CDC42SE2: variants seen among roughly 807,000 people sequenced by gnomAD.
CDC42SE2 encodes CDC42 small effector 2.
Under a neutral mutation model 11.5 loss-of-function variants are expected in CDC42SE2, and 3 were observed. The observed-to-expected ratio is 0.26, with a 90% CI of 0.12 to 0.67. CDC42SE2 has a LOEUF of 0.67. CDC42SE2 is among the 30% of genes least tolerant of loss of function. CDC42SE2 has a pLI of 0.80. For synonymous variants in CDC42SE2, 33 were observed against 34.8 expected, an observed-to-expected ratio of 0.95 and a Z score of 0.18; for missense variants, 82 against 106.8, an observed-to-expected ratio of 0.77 and a Z score of 1.02.
At chr5:131,380,186 T>A (rs1368421997) in intron 3 of CDC42SE2, among the ~76,000 whole-genome samples, 1 of 152,180 alleles carries the variant, frequency 6.6e-6, no homozygotes, top group Non-Finnish European at 1.5e-5. Context: ...AGTGGTGATT[T>A]GTGGATTTTG....
upstream of CDC42SE2, chr5:131,245,447 G>T (rs867589630): frequency 1.3e-5 from 2 of 151,752 alleles, no homozygotes; most frequent in Non-Finnish European, 2.9e-5. Flanking sequence ...GTCATACCAA[G>T]AAGAAGAAAA....
At chr5:131,352,358 CA>C (rs1021246458) in intron 2 of CDC42SE2, among the ~76,000 whole-genome samples, 14 of 151,912 alleles carry the variant, frequency 9.2e-5, no homozygotes, top group Admixed American at 7.2e-4. Flanking sequence ...ATCTACTTAG[CA>C]ATAAAAAATA....
At chr5:131,330,122 GC>G (rs1307948535) in intron 2 of CDC42SE2, among the ~76,000 whole-genome samples, 1 of 152,064 alleles carries the variant, frequency 6.6e-6, no homozygotes, top group Non-Finnish European at 1.5e-5. Flanking sequence ...ATTCTAAGCA[GC>G]TTTATTTACA....
chr5:131,393,271 G>GAACA lies in CDC42SE2; in HGVS notation c.*2185_*2188dup, dbSNP rs1377561434. ...CAAGATTCTTGCAAAACAGGCAACTGAACAAACATTAGGTTTATGTAGGTA... is the reference window on the plus strand; with the variant it reads ...CAAGATTCTTGCAAAACAGGCAACTGAACAAACAAACATTAGGTTTATGTAGGTA... On this transcript the variant is annotated 3_prime_UTR_variant, in exon 5 of 5. Coordinates refer to ENST00000505065, the MANE Select transcript of CDC42SE2 (RefSeq NM_001375635.1). The GAACA allele has an allele frequency of 3.9e-5, 6 of 152,430 alleles. No individual in the cohort carries two copies. The East Asian group carries it at 5.6e-4, about 14-fold the overall frequency. The allele number at this position is 152,430 out of a possible 1,614,324, so 9.4% of individuals were successfully genotyped here.
intron 1 of CDC42SE2, among the ~76,000 whole-genome samples, chr5:131,268,984 C>G (rs990609338): frequency 6.6e-6 from 1 of 151,712 alleles, no homozygotes; most frequent in Non-Finnish European, 1.5e-5. Context: ...CGCTTGACCT[C>G]GTGATCCGCC....
At chr5:131,248,378 T>C (rs976878786) in intron 1 of CDC42SE2, among the ~76,000 whole-genome samples, 42 of 151,848 alleles carry the variant, frequency 2.8e-4, no homozygotes, top group African/African-American at 1.0e-3. Context: ...GACCTTGTGA[T>C]CCGCCCATCT....
At chr5:131,308,083 A>G (rs1419810307) in intron 1 of CDC42SE2, among the ~76,000 whole-genome samples, 1 of 152,012 alleles carries the variant, frequency 6.6e-6, no homozygotes, top group African/African-American at 2.4e-5. Flanking sequence ...TAGAGGTCAA[A>G]CGTTTAAGTC....
At chr5:131,299,004 T>C (rs1395010867) in intron 1 of CDC42SE2, among the ~76,000 whole-genome samples, 1 of 152,130 alleles carries the variant, frequency 6.6e-6, no homozygotes, top group African/African-American at 2.4e-5. Flanking sequence ...TATCAAGTTC[T>C]GAAGAGTATG....
At chr5:131,259,604 G>A (rs1381839089), upstream of CDC42SE2, among the ~76,000 whole-genome samples, 3 of 152,184 alleles carry the variant, frequency 2.0e-5, no homozygotes, top group Non-Finnish European at 4.4e-5. Flanking sequence ...AGAACTGGTG[G>A]TTTCTTCTCT....
chr5:131,327,844 C>G (rs1758328272), intron 2 of CDC42SE2, among the ~76,000 whole-genome samples: 1 of 152,138 alleles, frequency 6.6e-6, no homozygotes, highest in Non-Finnish European at 1.5e-5. Context: ...CATACAAACA[C>G]CATATTATCT....
intron 4 of CDC42SE2, among the ~76,000 whole-genome samples, chr5:131,388,370 C>T (rs1750551500): frequency 6.6e-6 from 1 of 152,118 alleles, no homozygotes; most frequent in Non-Finnish European, 1.5e-5. Flanking sequence ...TTATGTTCTC[C>T]TATGCAATGC....
intron 2 of CDC42SE2, among the ~76,000 whole-genome samples, chr5:131,342,720 A>AT (rs541417600): frequency 1.4e-3 from 199 of 139,890 alleles, no homozygotes; most frequent in Middle Eastern, 4.2e-3. Flanking sequence ...ATTCTTTTTT[A>AT]TTTTTTTTTT....
At chr5:131,256,573 G>A (rs1489500594) in intron 2 of CDC42SE2, among the ~76,000 whole-genome samples, 3 of 152,228 alleles carry the variant, frequency 2.0e-5, no homozygotes, top group Non-Finnish European at 4.4e-5. Flanking sequence ...TTGCAAGTCA[G>A]AGTTCTCATC....
the CDC42SE2 span, among the ~76,000 whole-genome samples, chr5:131,210,705 T>A: frequency 6.6e-6 from 1 of 152,266 alleles, no homozygotes; most frequent in Non-Finnish European, 1.5e-5. Flanking sequence ...TTCTTTGGTA[T>A]TCTAGGTAGA....
intron 1 of CDC42SE2, among the ~76,000 whole-genome samples, chr5:131,307,527 A>C (rs1335001277): frequency 6.6e-6 from 1 of 152,086 alleles, no homozygotes; most frequent in Non-Finnish European, 1.5e-5. Flanking sequence ...CAGTAAACAT[A>C]CGTGTGCATG....
rs1197055731 is a variant in CDC42SE2 at position 131,309,076 on chromosome 5, G to C, written c.-454-6900G>C. Among the ~76,000 whole-genome samples the C allele has an allele frequency of 3.9e-5, 6 of 151,996 alleles. 1 individual carries two copies. Among genetic ancestry groups the C allele is most frequent in the Admixed American group, 3.9e-4 (6 of 15,264 alleles). On this transcript the variant is annotated intron_variant, in intron 1 of 4. Coordinates refer to ENST00000505065, the MANE Select transcript of CDC42SE2 (RefSeq NM_001375635.1). ...TTGCCCATTCAGTATGATATTGGCTGTGGGTTTGTCATAGATAGCTCTTAT... is the reference window on the plus strand; with the variant it reads ...TTGCCCATTCAGTATGATATTGGCTCTGGGTTTGTCATAGATAGCTCTTAT...
At chr5:131,218,819 T>C in the CDC42SE2 span, among the ~76,000 whole-genome samples, 5 of 152,360 alleles carry the variant, frequency 3.3e-5, no homozygotes, top group Admixed American at 2.0e-4. Flanking sequence ...GTTCTGGTTT[T>C]TCATCTGGGT....
chr5:131,336,610 T>A (rs987312262), intron 2 of CDC42SE2, among the ~76,000 whole-genome samples: 6 of 152,188 alleles, frequency 3.9e-5, no homozygotes, highest in Admixed American at 6.5e-5. Flanking sequence ...AGGTACACCA[T>A]TGAGACGTAT....
intron 2 of CDC42SE2, among the ~76,000 whole-genome samples, chr5:131,258,236 T>A (rs938741009): frequency 6.6e-6 from 1 of 152,200 alleles, no homozygotes; most frequent in Non-Finnish European, 1.5e-5. Context: ...TGTTTTTTTT[T>A]CTGTGTGAAA....
Sources: allele counts gnomAD v4.1 joint callset (sites outside exome capture counted in the v4.1 genomes callset), GRCh38; gene constraint gnomAD v4.1.1; transcripts MANE v1.5; gene names NCBI Gene and HGNC (gene_info 2026-07-23, HGNC 2026-07-21).